SPOCK1: variants seen among roughly 807,000 people sequenced by gnomAD.
The protein encoded by SPOCK1 is SPARC (osteonectin), cwcv and kazal like domains proteoglycan 1.
Under a neutral mutation model 55.3 loss-of-function variants are expected in SPOCK1, and 23 were observed. The observed-to-expected ratio is 0.42, with a 90% CI of 0.30 to 0.59. The LOEUF (loss-of-function observed/expected upper bound fraction) is 0.59, where lower values mean the gene tolerates loss of function less well. SPOCK1 is among the 20% of genes least tolerant of loss of function. The pLI is 0.22. For synonymous variants in SPOCK1, 226 were observed against 221.0 expected (o/e 1.02, Z -0.20); for missense variants, 499 against 552.5 (o/e 0.90, Z 0.97).
intron 3 of SPOCK1, among the ~76,000 whole-genome samples, chr5:137,182,516 G>A (rs1250439476): frequency 6.6e-6 from 1 of 152,288 alleles, no homozygotes; most frequent in East Asian, 1.9e-4. Flanking sequence ...AGGGAGACCA[G>A]AGAGCTTAAC....
intron 5 of SPOCK1, among the ~76,000 whole-genome samples, chr5:137,093,047 T>A (rs1753078195): frequency 6.6e-6 from 1 of 152,178 alleles, no homozygotes; most frequent in Admixed American, 6.5e-5. Context: ...CATTAACCCA[T>A]TAAAACATTA....
intron 6 of SPOCK1, among the ~76,000 whole-genome samples, chr5:137,037,463 C>G (rs1225971693): frequency 2.0e-5 from 3 of 151,774 alleles, no homozygotes; most frequent in Admixed American, 6.6e-5. Flanking sequence ...TTCCAGAACA[C>G]TTGTCTCATA....
intron 2 of SPOCK1, among the ~76,000 whole-genome samples, chr5:137,331,329 CT>C (rs1758176247): frequency 6.6e-6 from 1 of 152,202 alleles, no homozygotes; most frequent in Non-Finnish European, 1.5e-5. Flanking sequence ...ACCCCTGCAA[CT>C]GGAAGACTTG....
At chr5:137,173,586 C>G (rs926723523) in intron 3 of SPOCK1, among the ~76,000 whole-genome samples, 9 of 152,150 alleles carry the variant, frequency 5.9e-5, no homozygotes, top group Non-Finnish European at 1.5e-5. Context: ...CTAAACACCA[C>G]CAAGCTGTGG....
At chr5:137,409,364 A>C (rs1010494347) in intron 2 of SPOCK1, among the ~76,000 whole-genome samples, 1 of 152,334 alleles carries the variant, frequency 6.6e-6, no homozygotes, top group Middle Eastern at 3.4e-3. Context: ...CATAGGCAGC[A>C]TGCAGGTGGA....
chr5:137,089,915 A>G (rs965830124), intron 5 of SPOCK1, among the ~76,000 whole-genome samples: 2 of 152,224 alleles, frequency 1.3e-5, no homozygotes, highest in Non-Finnish European at 2.9e-5. Flanking sequence ...CTCTTCTGAA[A>G]TACACCAGGA....
intron 2 of SPOCK1, among the ~76,000 whole-genome samples, chr5:137,278,777 C>A (rs949368229): frequency 4.6e-5 from 7 of 152,186 alleles, no homozygotes; most frequent in African/African-American, 7.2e-5. Flanking sequence ...GCTCAGCTGA[C>A]CCCTTGGACA....
chr5:137,238,281 A>G (rs1320466803), intron 3 of SPOCK1, among the ~76,000 whole-genome samples: 1 of 152,246 alleles, frequency 6.6e-6, no homozygotes, highest in African/African-American at 2.4e-5. Flanking sequence ...CTCCCCAAAG[A>G]GACAAACCCT....
At chr5:137,006,375 T>C (rs1460671903) in intron 6 of SPOCK1, among the ~76,000 whole-genome samples, 4 of 152,214 alleles carry the variant, frequency 2.6e-5, no homozygotes, top group East Asian at 3.9e-4. Flanking sequence ...TCCTCTCTTA[T>C]TTCCTTGAGC....
chr5:137,010,298 A>G (rs1365778074), intron 6 of SPOCK1, among the ~76,000 whole-genome samples: 1 of 152,102 alleles, frequency 6.6e-6, no homozygotes. Flanking sequence ...TCCAATTACC[A>G]TAACAGCACC....
chr5:137,022,795 G>A (rs1751600947), intron 6 of SPOCK1, among the ~76,000 whole-genome samples: 1 of 152,180 alleles, frequency 6.6e-6, no homozygotes. Context: ...TGTTGTTAGG[G>A]CTGGTATTTG....
At chr5:137,251,558 G>C (rs945217475) in intron 3 of SPOCK1, among the ~76,000 whole-genome samples, 1 of 152,172 alleles carries the variant, frequency 6.6e-6, no homozygotes, top group Non-Finnish European at 1.5e-5. Flanking sequence ...GCTCCGATTT[G>C]ACAGAGCAGC....
rs552713272 is a variant in SPOCK1, at chr5:137,203,572, CT to C, written c.233-62879del. Among the ~76,000 whole-genome samples the C allele has an allele frequency of 2.6e-5, 4 of 152,242 alleles. No individual in the cohort carries two copies. In the South Asian group the frequency reaches 8.3e-4, roughly 32 times the overall value. Reference sequence around the variant, plus strand: ...TTCCTTATCATTACTGCTATTTACACTTTTTTTCTTAGGATGACATTACCAT... The same window carrying C: ...TTCCTTATCATTACTGCTATTTACACTTTTTTCTTAGGATGACATTACCAT... On this transcript the variant is annotated intron_variant, in intron 3 of 10. Coordinates refer to ENST00000394945, the MANE Select transcript of SPOCK1 (RefSeq NM_004598.4).
intron 3 of SPOCK1, among the ~76,000 whole-genome samples, chr5:137,150,186 A>C (rs1427565453): frequency 6.6e-6 from 1 of 152,178 alleles, no homozygotes; most frequent in Non-Finnish European, 1.5e-5. Context: ...GAAACATTAA[A>C]GCTTTTCAAC....
chr5:137,243,641 T>C (rs1756334200), intron 3 of SPOCK1, among the ~76,000 whole-genome samples: 1 of 152,208 alleles, frequency 6.6e-6, no homozygotes, highest in African/African-American at 2.4e-5. Flanking sequence ...ACTATTACAT[T>C]TCACAGGAAT....
intron 2 of SPOCK1, among the ~76,000 whole-genome samples, chr5:137,452,900 A>G (rs971748009): frequency 2.0e-5 from 3 of 152,186 alleles, no homozygotes; most frequent in East Asian, 1.9e-4. Context: ...AAAGCGGCAG[A>G]GCTACCTGGG....
At chr5:137,114,906 C>T (rs1321603664) in intron 4 of SPOCK1, among the ~76,000 whole-genome samples, 6 of 152,160 alleles carry the variant, frequency 3.9e-5, no homozygotes, top group Non-Finnish European at 7.3e-5. Context: ...CTGGAGCAGA[C>T]ATAACCATGT....
chr5:137,312,249 G>A lies in SPOCK1; in HGVS notation c.187-45194C>T, dbSNP rs1254177801. ...GGCCTGAAAGAGCTTACCATGCCTG[G>A]TCCCAGGCAGCCTGCTGTCAGGAGA... On this transcript the variant is annotated intron_variant, in intron 2 of 10. Coordinates refer to ENST00000394945, the MANE Select transcript of SPOCK1 (RefSeq NM_004598.4). Among the ~76,000 whole-genome samples, 3 of 152,268 alleles carry A rather than the reference G, an allele frequency of 2.0e-5. No individual in the cohort carries two copies. The East Asian group carries it at 5.8e-4, about 29-fold the overall frequency.
intron 2 of SPOCK1, among the ~76,000 whole-genome samples, chr5:137,407,550 C>T (rs1182708569): frequency 1.3e-5 from 2 of 151,996 alleles, no homozygotes; most frequent in Non-Finnish European, 2.9e-5. Flanking sequence ...CTGCCTGAGC[C>T]CATATTCCCT....
Sources: allele counts gnomAD v4.1 joint callset (sites outside exome capture counted in the v4.1 genomes callset), GRCh38; gene constraint gnomAD v4.1.1; transcripts MANE v1.5; gene names NCBI Gene and HGNC (gene_info 2026-07-23, HGNC 2026-07-21).